ACSM3: variants seen among roughly 807,000 people sequenced by gnomAD.
The protein encoded by ACSM3 is acyl-CoA synthetase medium chain family member 3.
ACSM3 carries 61 observed loss-of-function variants against 74.1 expected under a neutral mutation model. The observed-to-expected ratio is 0.82, with a 90% confidence interval of 0.67 to 1.02. ACSM3 has a LOEUF of 1.02. ACSM3 is among the 50% of genes least tolerant of loss of function. The probability of loss-of-function intolerance (pLI) is 0.00; values close to 1 mark genes in which losing one functional copy is unlikely to be tolerated. For missense variants in ACSM3, 660 were observed against 697.0 expected, an observed-to-expected ratio of 0.95 and a Z score of 0.60; for synonymous variants, 213 against 241.5, an observed-to-expected ratio of 0.88 and a Z score of 1.09.
intron 3 of ACSM3, among the ~76,000 whole-genome samples, chr16:20,756,912 T>C (rs1346265445): frequency 1.3e-5 from 2 of 152,044 alleles, no homozygotes. Context: ...CATTGCTTGT[T>C]TTTCTCAGGT....
In ACSM3 at chr16:20,775,996, T is replaced by A; in HGVS notation, c.377T>A (p.Ile126Asn). The A allele has an allele frequency of 6.2e-7, 1 of 1,614,210 alleles. No individual in the cohort carries two copies. The highest frequency in any genetic ancestry group is 1.1e-5 in the South Asian group (1 of 91,084). The change falls in exon 3 of 14, where the codon ATT becomes AAT. Residue 126 changes from isoleucine (I) to asparagine (N), a missense_variant. Ile to Asn is a moderately radical substitution (Grantham distance 149, BLOSUM62 -3). Coordinates refer to ENST00000289416, the MANE Select transcript of ACSM3 (RefSeq NM_005622.4). ...CAAAGAGGAGATCGGGTAATTCTGA[T>A]TCTGCCCAGGGTCCCAGAGTGGTGG... ...SLQRGDRVIL[I>N]LPRVPEWWLA...
chr16:20,695,680 C>CATCT (rs35535609), intron 1 of ACSM3, among the ~76,000 whole-genome samples: 46,536 of 150,908 alleles, frequency 0.31, 7,467 homozygotes, highest in East Asian at 0.5. Flanking sequence ...ATCTATCTAT[C>CATCT]ATCTATCTAT....
Position 20,790,880 on chromosome 16 carries a change from T to TC in ACSM3, c.1326+196dup. 1 of 1,613,970 alleles carries TC rather than the reference T, an allele frequency of 6.2e-7. No homozygotes were observed. The highest frequency in any genetic ancestry group is 8.5e-7 in the Non-Finnish European group (1 of 1,179,942). On this transcript the variant is annotated intron_variant, in intron 10 of 13. Coordinates refer to ENST00000289416, the MANE Select transcript of ACSM3 (RefSeq NM_005622.4). The surrounding 1 kb of genome is among the most constrained non-coding windows in gnomAD (Gnocchi z 4.0). ...TTCTTGCTGAAGAAAAGCATGCTGG[T>TC]CCCCTGAGGCCAGATCACTGTTCCA...
At chr16:20,788,977 A>G (rs1053439300) in intron 9 of ACSM3, among the ~76,000 whole-genome samples, 1 of 152,216 alleles carries the variant, frequency 6.6e-6, no homozygotes, top group Non-Finnish European at 1.5e-5. Flanking sequence ...AAAGTGCTAG[A>G]TAAGTATTAT....
chr16:20,692,693 TC>T (rs2079665480), intron 1 of ACSM3, among the ~76,000 whole-genome samples: 1 of 152,344 alleles, frequency 6.6e-6, no homozygotes, highest in Admixed American at 6.5e-5. Flanking sequence ...CAGGGCAATT[TC>T]AAGGTATGGC....
At chr16:20,731,740 G>A in intron 1 of ACSM3, 1 of 354,000 alleles carries the variant, frequency 2.8e-6, no homozygotes, top group Non-Finnish European at 5.1e-6. Context: ...ATCCAAGAAA[G>A]TAAGTATTTT....
intron 9 of ACSM3, chr16:20,786,456 G>C: frequency 2.5e-6 from 1 of 404,156 alleles, no homozygotes; most frequent in Non-Finnish European, 4.1e-6. Flanking sequence ...CAAGGCGGGA[G>C]CATCACTTGA....
rs140899620 is a variant in ACSM3, at chr16:20,691,628, G to A, written c.-190+16806G>A. 7.8e-4 allele frequency among the ~76,000 whole-genome samples: 118 copies of A among 152,100 alleles called. 1 individual carries two copies. Among genetic ancestry groups the A allele is most frequent in the South Asian group, 1.5e-3 (7 of 4,816 alleles). On this transcript the variant is annotated intron_variant, in intron 1 of 3. Transcript: ENST00000561584. Reference sequence around the variant, plus strand: ...TTCTGCCAAGCCAAATCATGTTGTTGCCATGGAAGCTGTGATATCTTTATA... The same window carrying A: ...TTCTGCCAAGCCAAATCATGTTGTTACCATGGAAGCTGTGATATCTTTATA...
chr16:20,736,737 C>T (rs1368239168), intron 1 of ACSM3: 21 of 795,260 alleles, frequency 2.6e-5, no homozygotes, highest in East Asian at 5.3e-5. Context: ...AACAGGGCTG[C>T]GCAATCATTG....
At chr16:20,781,267 A>C in intron 6 of ACSM3, 137 bp downstream of exon 6, 1 of 1,124,256 alleles carries the variant, frequency 8.9e-7, no homozygotes, top group East Asian at 2.5e-5. Flanking sequence ...AAAGTCAATA[A>C]GCCTGAAAAG....
rs1254069611 is a variant in ACSM3 at position 20,746,987 on chromosome 16, T to C, written c.-189-2923T>C. 1.3e-5 allele frequency among the ~76,000 whole-genome samples: 2 copies of C among 152,324 alleles called. 1 individual carries two copies. The highest frequency in any genetic ancestry group is 4.1e-4 in the South Asian group (2 of 4,826). On this transcript the variant is annotated intron_variant, in intron 1 of 3. Transcript: ENST00000561584. ...CAAGTCTTTCTTCTTAAACTTTTCCTGGTGTTTTGTGGGTACTTCCTTCCC... is the reference window on the plus strand; with the variant it reads ...CAAGTCTTTCTTCTTAAACTTTTCCCGGTGTTTTGTGGGTACTTCCTTCCC...
At chr16:20,779,854 C>A (rs1461922689) in intron 4 of ACSM3, 2 of 202,168 alleles carry the variant, frequency 9.9e-6, no homozygotes, top group South Asian at 1.2e-4. Context: ...TCACTGCAAC[C>A]TCCACCTCCC....
chr16:20,701,650 C>T (rs1334802162), intron 1 of ACSM3, among the ~76,000 whole-genome samples: 1 of 152,064 alleles, frequency 6.6e-6, no homozygotes, highest in African/African-American at 2.4e-5. Context: ...GGTTTTAAGC[C>T]CCATGTGCAT....
intron 1 of ACSM3, chr16:20,731,777 C>T (rs147674727): frequency 3.6e-5 from 11 of 304,820 alleles, no homozygotes; most frequent in Non-Finnish European, 6.5e-5. Flanking sequence ...TGGATGTTAC[C>T]AAACTAAGAC....
chr16:20,726,031 C>T (rs895463349), intron 1 of ACSM3, among the ~76,000 whole-genome samples: 2 of 152,042 alleles, frequency 1.3e-5, no homozygotes, highest in Admixed American at 6.6e-5. Context: ...AAATTGTCCC[C>T]TAGTCTACAA....
At chr16:20,742,488 A>C (rs994945144) in intron 1 of ACSM3, among the ~76,000 whole-genome samples, 9 of 152,100 alleles carry the variant, frequency 5.9e-5, no homozygotes, top group Non-Finnish European at 1.0e-4. Flanking sequence ...ACTAAAATGC[A>C]AAAAATTAGC....
intron 1 of ACSM3, among the ~76,000 whole-genome samples, chr16:20,688,381 G>A (rs957588851): frequency 1.4e-4 from 21 of 152,092 alleles, no homozygotes; most frequent in African/African-American, 5.1e-4. Context: ...TGGGCATAGA[G>A]GTTATTGGAA....
Position 20,790,531 on chromosome 16 carries a change from T to A in ACSM3, c.1225-56T>A. On this transcript the variant is annotated intron_variant, in intron 9 of 13. Transcript: ENST00000289416. This position sits in a 1 kb window ranked among gnomAD's most constrained non-coding sequence, Gnocchi z 4.0. ...AAATAAAACTTGCAAAGTTAATATT[T>A]AAGCTGCGACATTAAACAAAAATTT... The A allele has an allele frequency of 6.6e-7, 1 of 1,504,430 alleles. No homozygotes were observed. Among genetic ancestry groups the A allele is most frequent in the Non-Finnish European group, 9.1e-7 (1 of 1,092,982 alleles). The allele number at this position is 1,504,430 out of a possible 1,614,324, so 93.2% of individuals were successfully genotyped here.
intron 1 of ACSM3, chr16:20,698,860 G>C (rs1388429920): frequency 6.6e-6 from 1 of 152,128 alleles, no homozygotes; most frequent in African/African-American, 2.4e-5. Flanking sequence ...ACCTCCCAGG[G>C]TGTTTTCTTT....
Sources: allele counts gnomAD v4.1 joint callset (sites outside exome capture counted in the v4.1 genomes callset), GRCh38; gene constraint gnomAD v4.1.1; non-coding constraint Gnocchi (gnomAD v3.1); transcripts MANE v1.5; gene names NCBI Gene and HGNC (gene_info 2026-07-23, HGNC 2026-07-21).